Variants in TLR5 observed in about 807,000 individuals in gnomAD.
TLR5 encodes toll-like receptor 5.
For missense variants in TLR5, 944 were observed against 999.8 expected (o/e 0.94, Z 0.75); for synonymous variants, 373 against 384.4 (o/e 0.97, Z 0.35).
At chr1:223,141,814 TATATATATAGAG>T (rs1455817148) in intron 1 of TLR5, 51 bp from the exon 2 acceptor site, 161 of 46,812 alleles carry the variant, frequency 3.4e-3, no homozygotes, top group East Asian at 5.2e-3. Context: ...TATATATATA[TATATATATAGAG>T]AGAGAGAGAG....
chr1:223,130,378 A>G lies in TLR5; in HGVS notation c.-5+2097T>C, dbSNP rs542941975. ...CTCTTTGACTCACTGTGTTGCCAGC[A>G]CCTAGAATGTATTATGTTGGCAAAT... On this transcript the variant is annotated intron_variant, in intron 5 of 5. Transcript: ENST00000642603. 2.6e-5 allele frequency among the ~76,000 whole-genome samples: 4 copies of G among 152,318 alleles called. No individual in the cohort carries two copies. In the East Asian group the frequency reaches 7.7e-4, roughly 29 times the overall value.
intron 5 of TLR5, among the ~76,000 whole-genome samples, chr1:223,117,252 C>G (rs930034771): frequency 6.6e-6 from 1 of 152,122 alleles, no homozygotes; most frequent in Non-Finnish European, 1.5e-5. Flanking sequence ...CCTGCCAAGC[C>G]CACGCCCACC....
chr1:223,112,242 TGTG>T lies in TLR5; in HGVS notation c.787_789del (p.His263del). ...TGGAAGCCAAACCCGGCACCCATGA[TGTG>T]GTGGGCAAGAATCAAAGAGAAGGCC... On this transcript the variant is annotated inframe_deletion, in exon 6 of 6. Transcript: ENST00000642603. 1 of 1,614,192 alleles carries T rather than the reference TGTG, an allele frequency of 6.2e-7. No homozygotes were observed. The highest frequency in any genetic ancestry group is 2.2e-5 in the East Asian group (1 of 44,880).
chr1:223,126,065 C>T (rs1267885388), intron 5 of TLR5, among the ~76,000 whole-genome samples: 1 of 152,180 alleles, frequency 6.6e-6, no homozygotes, highest in African/African-American at 2.4e-5. Flanking sequence ...ATATTCATAG[C>T]AGTATCACTC....
In TLR5 at chr1:223,110,465, G is replaced by T. The variant is rs145537963; in HGVS notation, c.2567C>A (p.Thr856Asn). 1.2e-6 allele frequency: 2 copies of T among 1,613,974 alleles called. No homozygotes were observed. The highest frequency in any genetic ancestry group is 1.3e-5 in the African/African-American group (1 of 74,918). The change falls in exon 6 of 6, where the codon ACC becomes AAC. Residue 856 changes from threonine to asparagine, a missense_variant. Thr to Asn is a moderately conservative substitution (Grantham distance 65). Coordinates refer to ENST00000642603, the MANE Select transcript of TLR5 (RefSeq NM_003268.6). ...DNNIPLQTVA[T>N]IS ...AAATTGCTCCTTTGATTAGGAGATG[G>T]TTGCTACAGTTTGCAACGGAATGTT...
chr1:223,134,205 A>T (rs563182047), intron 4 of TLR5, among the ~76,000 whole-genome samples: 44 of 152,234 alleles, frequency 2.9e-4, no homozygotes, highest in African/African-American at 8.9e-4. Context: ...CCAAACCAGA[A>T]TATCCAGTTA....
In TLR5 at chr1:223,131,955, T is replaced by G. The variant is rs1295467696; in HGVS notation, c.-5+520A>C. The stretch of plus-strand genomic sequence containing the variant: ...CATGGCATTTTTATTATATTATGCC[T>G]TCTCCACTAGATTGTAAGTCTTGAG... On this transcript the variant is annotated intron_variant, in intron 5 of 5. Coordinates refer to ENST00000642603, the MANE Select transcript of TLR5 (RefSeq NM_003268.6). This position sits in a 1 kb window ranked among gnomAD's most constrained non-coding sequence, Gnocchi z 4.2. Among the ~76,000 whole-genome samples the G allele has an allele frequency of 6.6e-6, 1 of 152,092 alleles. No homozygotes were observed. The highest frequency in any genetic ancestry group is 6.6e-5 in the Admixed American group (1 of 15,262).
At chr1:223,141,361 G>T (rs1251459703) in intron 2 of TLR5, 1 of 152,078 alleles carries the variant, frequency 6.6e-6, no homozygotes. Context: ...TTTTTGCTTT[G>T]CTCAGAGCTG....
chr1:223,112,441 C>T lies in TLR5; in HGVS notation c.591G>A (p.Thr197=), dbSNP rs1361284795. Residue 197 remains threonine (T), a synonymous_variant, in exon 6 of 6, where the codon ACG becomes ACA. Transcript: ENST00000642603. ...TAGCTGCGAGGCTAAAAAAGGAGAG[C>T]GTTTTCCCTTGTAGGGGCTCGAGCT... ...EHELEPLQGK[T]LSFFSLAANS... 1.1e-5 allele frequency: 18 copies of T among 1,614,040 alleles called. No homozygotes were observed. The highest frequency in any genetic ancestry group is 4.4e-5 in the South Asian group (4 of 91,082).
chr1:223,118,964 CA>C (rs1204999179), intron 5 of TLR5, among the ~76,000 whole-genome samples: 2 of 152,004 alleles, frequency 1.3e-5, no homozygotes, highest in African/African-American at 4.8e-5. Context: ...ATTAGCCAGG[CA>C]TGGTGGCACG....
rs775198396 is a variant in TLR5 at position 223,112,498 on chromosome 1, G to A, written c.534C>T (p.Ser178=). ...KLNSLKSIDF[S]SNQIFLVCEH... ...CACATACAAGGAATATTTGGTTGGA[G>A]GAAAAATCTATGGACTTTAAGGAAT... The change falls in exon 6 of 6, where the codon TCC becomes TCT. Residue 178 remains serine, a synonymous_variant. Transcript: ENST00000642603. 2 of 1,614,106 alleles carry A rather than the reference G, an allele frequency of 1.2e-6. No individual in the cohort carries two copies. The highest frequency in any genetic ancestry group is 2.2e-5 in the East Asian group (1 of 44,896).
Position 223,111,203 on chromosome 1 carries a change from C to A in TLR5, c.1829G>T (p.Cys610Phe). ...TIAGPPADIYCVYPDSFSGVS... is the reference protein window; with the variant it reads ...TIAGPPADIYFVYPDSFSGVS... The stretch of plus-strand genomic sequence containing the variant: ...CCCAGAGAACGAGTCAGGGTACACA[C>A]AATATATGTCTGCAGGAGGCCCAGC... Residue 610 changes from cysteine (C) to phenylalanine (F), a missense_variant, in exon 6 of 6, where the codon TGT becomes TTT. Physicochemically the swap from Cys to Phe is radical, Grantham distance 205. Coordinates refer to ENST00000642603, the MANE Select transcript of TLR5 (RefSeq NM_003268.6). 6.2e-7 allele frequency: 1 copy of A among 1,614,186 alleles called. No individual in the cohort carries two copies. Among genetic ancestry groups the A allele is most frequent in the African/African-American group, 1.3e-5 (1 of 75,056 alleles).
intron 5 of TLR5, among the ~76,000 whole-genome samples, chr1:223,113,275 A>AGG (rs1656464241): frequency 6.6e-6 from 1 of 152,090 alleles, no homozygotes; most frequent in Admixed American, 6.6e-5. Flanking sequence ...GCATGATCAC[A>AGG]GCTCACTGCC....
At chr1:223,140,256 G>A (rs1341505072) in intron 2 of TLR5, among the ~76,000 whole-genome samples, 2 of 152,146 alleles carry the variant, frequency 1.3e-5, no homozygotes, top group African/African-American at 2.4e-5. Context: ...CACAAAAAAC[G>A]CATGGTCAGG....
intron 5 of TLR5, among the ~76,000 whole-genome samples, chr1:223,124,976 G>C (rs948829055): frequency 3.3e-5 from 5 of 152,180 alleles, no homozygotes; most frequent in Non-Finnish European, 5.9e-5. Context: ...AGATGTGGGT[G>C]CATGTGGCTC....
At chr1:223,116,613 G>A (rs1427984039) in intron 5 of TLR5, among the ~76,000 whole-genome samples, 1 of 152,148 alleles carries the variant, frequency 6.6e-6, no homozygotes, top group African/African-American at 2.4e-5. Flanking sequence ...TGCCACTGCT[G>A]GCCGCCGCAG....
chr1:223,126,337 G>A (rs1657164870), intron 5 of TLR5, among the ~76,000 whole-genome samples: 1 of 152,174 alleles, frequency 6.6e-6, no homozygotes, highest in South Asian at 2.1e-4. Context: ...AAGTTACCAG[G>A]GGCTGGGAGG....
In TLR5 at chr1:223,132,484, C is replaced by G. The variant is rs1443380128; in HGVS notation, c.-14G>C. The G allele has an allele frequency of 6.6e-6, 1 of 152,262 alleles. No individual in the cohort carries two copies. The highest frequency in any genetic ancestry group is 1.9e-4 in the East Asian group (1 of 5,334). 9.4% of individuals were successfully genotyped at this position (152,262 alleles called of 1,614,324 possible). ...TACCAGAAGCACTTACCTCGTTGTC[C>G]TAGCAGAAGGGACTTCTAGTATGTT... On this transcript the variant is annotated 5_prime_UTR_variant, in exon 5 of 6. Coordinates refer to ENST00000642603, the MANE Select transcript of TLR5 (RefSeq NM_003268.6).
chr1:223,127,094 C>G (rs1252140006), intron 5 of TLR5: 2 of 152,224 alleles, frequency 1.3e-5, no homozygotes, highest in African/African-American at 4.8e-5. Context: ...TCCTGGGGCA[C>G]CACAGCATGC....
Sources: gnomAD v4.1 joint callset for allele counts (sites outside exome capture counted in the v4.1 genomes callset) on GRCh38, gnomAD v4.1.1 for gene constraint, Gnocchi (gnomAD v3.1) non-coding constraint, MANE v1.5 for transcripts, NCBI Gene and HGNC (gene_info 2026-07-23, HGNC 2026-07-21) for gene names.